RORB: variants seen among roughly 807,000 people sequenced by gnomAD.
The protein encoded by RORB is nuclear receptor ROR-beta.
Under a neutral mutation model 59.1 loss-of-function variants are expected in RORB, and 6 were observed. The ratio of observed to expected loss-of-function variants is 0.10; its 90% confidence interval spans 0.06 to 0.20. The LOEUF (loss-of-function observed/expected upper bound fraction) is 0.20, where lower values mean the gene tolerates loss of function less well. Ranked by LOEUF, RORB falls within the 10% of genes least tolerant of loss-of-function variation. The pLI, the probability that RORB is intolerant of heterozygous loss-of-function variation, is 1.00. For missense variants in RORB, 320 were observed against 560.5 expected (o/e 0.57, Z 4.33); for synonymous variants, 215 against 204.5 (o/e 1.05, Z -0.44).
At chr9:74,651,764 A>T (rs1291622221) in intron 4 of RORB, among the ~76,000 whole-genome samples, 3 of 151,964 alleles carry the variant, frequency 2.0e-5, no homozygotes, top group Non-Finnish European at 4.4e-5. Flanking sequence ...CCCCCTTAAA[A>T]CTCATCAACT....
At chr9:74,613,805 G>A (rs1270851971) in intron 1 of RORB, among the ~76,000 whole-genome samples, 1 of 152,114 alleles carries the variant, frequency 6.6e-6, no homozygotes, top group Non-Finnish European at 1.5e-5. Context: ...GAGAAGACAG[G>A]AATAAAAGGA....
In RORB at chr9:74,549,587, AG is replaced by A; in HGVS notation, c.7+51606del. Among the ~76,000 whole-genome samples the A allele has an allele frequency of 6.5e-5, 5 of 76,822 alleles. 1 individual carries two copies. Among genetic ancestry groups the A allele is most frequent in the Admixed American group, 1.1e-4 (1 of 9,230 alleles). 50.4% of individuals were successfully genotyped at this position (76,822 alleles called of 152,430 possible). On this transcript the variant is annotated intron_variant, in intron 1 of 9. Transcript: ENST00000376896. ...AAGGAAGGAAGGAAGGAAGGAAGGA[AG>A]GAAGGAAGGAAGGAAGGAAGAAAGG...
intron 9 of RORB, among the ~76,000 whole-genome samples, chr9:74,680,732 T>C (rs998448701): frequency 6.6e-6 from 1 of 152,234 alleles, no homozygotes; most frequent in African/African-American, 2.4e-5. Flanking sequence ...AGCTTCACTT[T>C]ATGTGCCCTG....
At chr9:74,599,007 A>G (rs1823014179) in intron 1 of RORB, among the ~76,000 whole-genome samples, 1 of 152,162 alleles carries the variant, frequency 6.6e-6, no homozygotes, top group African/African-American at 2.4e-5. Flanking sequence ...AATCTCTCTC[A>G]CGACCATGAG....
chr9:74,627,709 A>G (rs1396049328), intron 1 of RORB, among the ~76,000 whole-genome samples: 2 of 152,148 alleles, frequency 1.3e-5, no homozygotes, highest in African/African-American at 2.4e-5. Flanking sequence ...TTAATATTAT[A>G]TAAGCTAAAA....
At chr9:74,558,590 T>C (rs11144009) in intron 1 of RORB, among the ~76,000 whole-genome samples, 61,677 of 152,030 alleles carry the variant, frequency 0.41, 13,711 homozygotes, top group East Asian at 0.77. Context: ...TGGATCACAG[T>C]ACCTGACTTT....
rs542877533 is a variant in RORB, at chr9:74,525,849, CG to C, written c.7+27867del. 9.9e-5 allele frequency among the ~76,000 whole-genome samples: 15 copies of C among 151,918 alleles called. No individual in the cohort carries two copies. In the South Asian group the frequency reaches 3.1e-3, roughly 32 times the overall value. The stretch of plus-strand genomic sequence containing the variant: ...TTTTTAAAGATTCAGGTGATTTTCA[CG>C]TAGAGCCAACGCTGAGAGACATTGA... On this transcript the variant is annotated intron_variant, in intron 1 of 9. Transcript: ENST00000376896.
At chr9:74,663,186 T>C (rs1382924047) in intron 6 of RORB, among the ~76,000 whole-genome samples, 2 of 152,126 alleles carry the variant, frequency 1.3e-5, no homozygotes, top group Non-Finnish European at 1.5e-5. Context: ...AGAAATTATT[T>C]GTCTTTCTTG....
intron 1 of RORB, among the ~76,000 whole-genome samples, chr9:74,533,955 G>A (rs1029630214): frequency 3.3e-5 from 5 of 151,970 alleles, no homozygotes; most frequent in African/African-American, 1.2e-4. Context: ...ATCTTGAATT[G>A]GGGAGAAAAT....
At chr9:74,555,511 A>G (rs895985661) in intron 1 of RORB, among the ~76,000 whole-genome samples, 2 of 152,238 alleles carry the variant, frequency 1.3e-5, no homozygotes, top group African/African-American at 4.8e-5. Flanking sequence ...TATTGCTCAA[A>G]CAAATCTATA....
In RORB at chr9:74,533,148, G is replaced by C. The variant is rs191777014; in HGVS notation, c.7+35165G>C. 1.4e-3 allele frequency among the ~76,000 whole-genome samples: 217 copies of C among 151,824 alleles called. 1 individual carries two copies. Among genetic ancestry groups the C allele is most frequent in the Non-Finnish European group, 2.6e-3 (179 of 67,914 alleles). On this transcript the variant is annotated intron_variant, in intron 1 of 9. Coordinates refer to ENST00000376896, the MANE Select transcript of RORB (RefSeq NM_006914.4). The stretch of plus-strand genomic sequence containing the variant: ...GTAGGCACTTGTGTTTGCTACCTCT[G>C]CTCCACACAAACATTGTTCAAAGAC...
intron 1 of RORB, among the ~76,000 whole-genome samples, chr9:74,538,809 T>C (rs1047485825): frequency 2.6e-5 from 4 of 152,028 alleles, no homozygotes; most frequent in Non-Finnish European, 5.9e-5. Flanking sequence ...GCATCGTCTT[T>C]AGAGTCAGAT....
In RORB at chr9:74,667,801, C is replaced by G. The variant is rs1473593090; in HGVS notation, c.1011C>G (p.Asp337Glu). The change falls in exon 8 of 10, where the codon GAC becomes GAG. Residue 337 changes from aspartate (D) to glutamate (E), a missense_variant. Transcript: ENST00000376896. ...CTTCTTCCTTTATAGGTTCTGATGA[C>G]CTAGTGAATGAAGCATTTGACTTTG... ...MQMFKALGSD[D>E]LVNEAFDFAK... 10 of 1,606,340 alleles carry G rather than the reference C, an allele frequency of 6.2e-6. No homozygotes were observed. The highest frequency in any genetic ancestry group is 8.5e-6 in the Non-Finnish European group (10 of 1,173,040).
At chr9:74,558,844 A>G (rs1465718985) in intron 1 of RORB, among the ~76,000 whole-genome samples, 1 of 152,220 alleles carries the variant, frequency 6.6e-6, no homozygotes, top group Non-Finnish European at 1.5e-5. Flanking sequence ...ATAAGCCTTA[A>G]GACTGGTTAT....
intron 1 of RORB, among the ~76,000 whole-genome samples, chr9:74,554,514 C>T (rs1330824741): frequency 6.6e-6 from 1 of 151,804 alleles, no homozygotes; most frequent in Non-Finnish European, 1.5e-5. Context: ...CATGGCTAAA[C>T]CTTAGAAGGG....
intron 1 of RORB, among the ~76,000 whole-genome samples, chr9:74,586,086 G>A (rs980871475): frequency 1.3e-5 from 2 of 152,054 alleles, no homozygotes; most frequent in South Asian, 2.1e-4. Flanking sequence ...GAGCCACTGC[G>A]CCCAGCCTCA....
At chr9:74,516,393 T>C (rs773972753) in intron 1 of RORB, among the ~76,000 whole-genome samples, 4 of 152,104 alleles carry the variant, frequency 2.6e-5, no homozygotes, top group Non-Finnish European at 5.9e-5. Context: ...ATATGTATAA[T>C]TACCCCAGTA....
intron 9 of RORB, among the ~76,000 whole-genome samples, chr9:74,674,090 T>G (rs1167769251): frequency 6.6e-6 from 1 of 152,194 alleles, no homozygotes; most frequent in Non-Finnish European, 1.5e-5. Flanking sequence ...CCTGACTGCT[T>G]TAACACTCCG....
intron 1 of RORB, among the ~76,000 whole-genome samples, chr9:74,620,749 T>C (rs568181379): frequency 7.2e-5 from 11 of 152,370 alleles, no homozygotes; most frequent in African/African-American, 2.6e-4. Flanking sequence ...TGTTGTGTCT[T>C]TGTTCTCATT....
Sources: allele counts gnomAD v4.1 joint callset (sites outside exome capture counted in the v4.1 genomes callset), GRCh38; gene constraint gnomAD v4.1.1; transcripts MANE v1.5; gene names NCBI Gene and HGNC (gene_info 2026-07-23, HGNC 2026-07-21).